The following ACYP2 variants were observed in gnomAD, a reference collection of about 807,000 sequenced individuals.
ACYP2 encodes acylphosphatase 2, also known as acylphosphatase-2.
Under a neutral mutation model 11.2 loss-of-function variants are expected in ACYP2, and 12 were observed. The observed-to-expected ratio is 1.08, with a 90% confidence interval of 0.69 to 1.74. The LOEUF (loss-of-function observed/expected upper bound fraction) is 1.74. Ranked by LOEUF, ACYP2 falls within the 40% of genes most tolerant of loss-of-function variation. The pLI is 0.00. For missense variants in ACYP2, 134 were observed against 101.9 expected (o/e 1.31, Z -1.35); for synonymous variants, 43 against 32.2 (o/e 1.33, Z -1.13).
chr2:54,096,119 G>T (rs1487123427), intron 4 of ACYP2, among the ~76,000 whole-genome samples: 2 of 143,570 alleles, frequency 1.4e-5, no homozygotes, highest in Non-Finnish European at 1.5e-5. Flanking sequence ...TCCCAGACGG[G>T]GTGGCTGCTG....
chr2:54,174,012 C>A (rs548574881), intron 6 of ACYP2, among the ~76,000 whole-genome samples: 6 of 152,130 alleles, frequency 3.9e-5, no homozygotes, highest in African/African-American at 9.7e-5. Context: ...CTTGGCAATG[C>A]GGACTCTTTT....
chr2:54,140,266 C>T (rs1385361502), intron 6 of ACYP2, among the ~76,000 whole-genome samples: 1 of 151,968 alleles, frequency 6.6e-6, no homozygotes, highest in Non-Finnish European at 1.5e-5. Context: ...TCCCATGATT[C>T]GAGGGAGCCT....
chr2:54,164,687 GT>G (rs897481732), intron 6 of ACYP2, among the ~76,000 whole-genome samples: 4 of 152,088 alleles, frequency 2.6e-5, no homozygotes, highest in Admixed American at 6.6e-5. Context: ...GGCAAACAGC[GT>G]TTTTTTGTTT....
intron 2 of ACYP2, among the ~76,000 whole-genome samples, chr2:54,043,902 A>G (rs1675375149): frequency 6.6e-6 from 1 of 152,198 alleles, no homozygotes; most frequent in Non-Finnish European, 1.5e-5. Flanking sequence ...AATTAGGAGG[A>G]AACTAAAAAC....
At chr2:54,019,894 A>T (rs950835925) in intron 2 of ACYP2, among the ~76,000 whole-genome samples, 10 of 151,940 alleles carry the variant, frequency 6.6e-5, no homozygotes, top group African/African-American at 2.4e-4. Context: ...TGCTGGGATT[A>T]CAAGCATGAG....
chr2:54,135,498 C>T, intron 5 of ACYP2, 29 bp downstream of exon 2: 1 of 1,596,136 alleles, frequency 6.3e-7, no homozygotes, highest in Non-Finnish European at 8.6e-7. Context: ...TATTATTTTG[C>T]TATTTTTTTT....
At chr2:54,089,768 A>T (rs1255926954) in intron 4 of ACYP2, among the ~76,000 whole-genome samples, 1 of 151,772 alleles carries the variant, frequency 6.6e-6, no homozygotes, top group Non-Finnish European at 1.5e-5. Flanking sequence ...CTTTTGCACC[A>T]ACCTAATATT....
intron 4 of ACYP2, among the ~76,000 whole-genome samples, chr2:54,077,281 C>T (rs780650625): frequency 4.6e-5 from 7 of 152,166 alleles, no homozygotes; most frequent in South Asian, 2.1e-4. Flanking sequence ...AGCAAAAGAC[C>T]TTTGTTTGTG....
At chr2:54,301,719 A>T (rs1393543306) in intron 6 of ACYP2, among the ~76,000 whole-genome samples, 1 of 152,156 alleles carries the variant, frequency 6.6e-6, no homozygotes, top group East Asian at 1.9e-4. Flanking sequence ...CTTTCTCATT[A>T]GACATAAATT....
At chr2:54,140,159 T>C (rs1043224980) in intron 6 of ACYP2, among the ~76,000 whole-genome samples, 2 of 152,198 alleles carry the variant, frequency 1.3e-5, no homozygotes, top group Non-Finnish European at 2.9e-5. Flanking sequence ...TCACAAAATG[T>C]ACAAGAAATT....
In ACYP2 at chr2:54,045,411, G is replaced by A. The variant is rs190470159; in HGVS notation, c.63-5547G>A. ...GCGTGTTACTATGCAGTGGGGATACGAAACTGTTGGTCTTATAACAGTGTT... is the reference window on the plus strand; with the variant it reads ...GCGTGTTACTATGCAGTGGGGATACAAAACTGTTGGTCTTATAACAGTGTT... On this transcript the variant is annotated intron_variant, in intron 2 of 6. Coordinates refer to ENST00000607452, the MANE Select transcript of ACYP2 (RefSeq NM_001320586.2). Among the ~76,000 whole-genome samples the A allele has an allele frequency of 1.2e-3, 186 of 152,298 alleles. 1 individual carries two copies. Among genetic ancestry groups the A allele is most frequent in the African/African-American group, 4.3e-3 (177 of 41,558 alleles).
chr2:54,096,631 G>C (rs1417951266), intron 4 of ACYP2, among the ~76,000 whole-genome samples: 2 of 152,172 alleles, frequency 1.3e-5, no homozygotes, highest in Non-Finnish European at 2.9e-5. Context: ...AGGAGCTGGA[G>C]ACCAGCCCGG....
chr2:54,061,002 G>T (rs1257813658), intron 4 of ACYP2, among the ~76,000 whole-genome samples: 1 of 151,760 alleles, frequency 6.6e-6, no homozygotes, highest in African/African-American at 2.4e-5. Flanking sequence ...TAATTTATCT[G>T]CCATATATAT....
intron 6 of ACYP2, among the ~76,000 whole-genome samples, chr2:54,296,995 A>G (rs759859794): frequency 6.6e-6 from 1 of 152,228 alleles, no homozygotes; most frequent in Admixed American, 6.5e-5. Flanking sequence ...TAATTCATCC[A>G]TCTACCCATC....
At chr2:54,017,826 A>G (rs897426668) in intron 2 of ACYP2, among the ~76,000 whole-genome samples, 1 of 152,016 alleles carries the variant, frequency 6.6e-6, no homozygotes, top group African/African-American at 2.4e-5. Context: ...GAGTGGAAGG[A>G]GTGGCAGTTA....
intron 6 of ACYP2, among the ~76,000 whole-genome samples, chr2:54,153,991 C>G (rs1682320966): frequency 6.6e-6 from 1 of 151,570 alleles, no homozygotes; most frequent in South Asian, 2.1e-4. Flanking sequence ...TTTCTTTAAT[C>G]AATGTTATAT....
At chr2:54,116,123 C>T (rs1047620858) in intron 4 of ACYP2, among the ~76,000 whole-genome samples, 1 of 152,086 alleles carries the variant, frequency 6.6e-6, no homozygotes, top group African/African-American at 2.4e-5. Context: ...ACTGAAGCTA[C>T]CTGGGCTTGA....
At chr2:54,064,502 T>C (rs1237334379) in intron 4 of ACYP2, among the ~76,000 whole-genome samples, 1 of 152,198 alleles carries the variant, frequency 6.6e-6, no homozygotes, top group Non-Finnish European at 1.5e-5. Context: ...TGGGCCAGAT[T>C]TCATTTCTTC....
At chr2:54,069,881 T>C (rs953505316) in intron 4 of ACYP2, among the ~76,000 whole-genome samples, 1 of 152,136 alleles carries the variant, frequency 6.6e-6, no homozygotes, top group African/African-American at 2.4e-5. Context: ...AATATGCAGA[T>C]TTTAATGAAA....
Sources: allele counts gnomAD v4.1 joint callset (sites outside exome capture counted in the v4.1 genomes callset), GRCh38; gene constraint gnomAD v4.1.1; transcripts MANE v1.5; gene names NCBI Gene and HGNC (gene_info 2026-07-23, HGNC 2026-07-21).